Variants in DSCAM observed in about 807,000 individuals in gnomAD.
The protein encoded by DSCAM is cell adhesion molecule DSCAM.
In DSCAM, 47 loss-of-function variants were observed where a neutral mutation model predicts 217.7. The ratio of observed to expected loss-of-function variants is 0.22; its 90% CI spans 0.17 to 0.28. The LOEUF (loss-of-function observed/expected upper bound fraction) is 0.28. DSCAM is among the 10% of genes least tolerant of loss of function. The pLI is 1.00. For synonymous variants in DSCAM, 1,056 were observed against 1,015.3 expected (o/e 1.04, Z -0.76); for missense variants, 2,080 against 2,618.3 (o/e 0.79, Z 4.49).
chr21:40,276,166 AGCCACT>A lies in DSCAM; in HGVS notation c.2281_2286del (p.Ser761_Gly762del). On this transcript the variant is annotated inframe_deletion, in exon 11 of 33. Coordinates refer to ENST00000400454, the MANE Select transcript of DSCAM (RefSeq NM_001389.5). Reference sequence around the variant, plus strand: ...TCGTTGCTGACCTTGCAGAGGTAGTAGCCACTGTCTTCCTCCACGACATGCTTGATC... The same window carrying A: ...TCGTTGCTGACCTTGCAGAGGTAGTAGTCTTCCTCCACGACATGCTTGATC... The A allele has an allele frequency of 6.2e-7, 1 of 1,613,234 alleles. No individual in the cohort carries two copies. The highest frequency in any genetic ancestry group is 8.5e-7 in the Non-Finnish European group (1 of 1,179,556).
intron 3 of DSCAM, among the ~76,000 whole-genome samples, chr21:40,420,064 TA>T (rs2075408596): frequency 6.6e-6 from 1 of 152,038 alleles, no homozygotes. Flanking sequence ...ACAAAAAAAT[TA>T]GGCACAAAGC....
chr21:40,155,642 G>A (rs2090467760), intron 16 of DSCAM, among the ~76,000 whole-genome samples: 1 of 152,126 alleles, frequency 6.6e-6, no homozygotes, highest in Non-Finnish European at 1.5e-5. Flanking sequence ...GTAGTTTTGC[G>A]GGATGGGAGA....
rs1468244553 is a variant in DSCAM, at chr21:40,397,830, CACT to C, written c.509-28588_509-28586del. ...ATACTGCTACCACCCCTACTATCAT[CACT>C]ACTACCACTAATACTACCACCACCA... On this transcript the variant is annotated intron_variant, in intron 3 of 32. Transcript: ENST00000400454. 2.6e-5 allele frequency among the ~76,000 whole-genome samples: 4 copies of C among 152,048 alleles called. No homozygotes were observed. The East Asian group carries it at 7.7e-4, about 29-fold the overall frequency.
At chr21:40,485,709 CAT>C (rs1292003264) in intron 3 of DSCAM, among the ~76,000 whole-genome samples, 8 of 152,008 alleles carry the variant, frequency 5.3e-5, no homozygotes, top group African/African-American at 1.7e-4. Flanking sequence ...TACTTACATG[CAT>C]ATGTTATTTC....
chr21:40,825,468 C>A (rs899711761), intron 1 of DSCAM, among the ~76,000 whole-genome samples: 1 of 152,056 alleles, frequency 6.6e-6, no homozygotes, highest in Non-Finnish European at 1.5e-5. Flanking sequence ...CAGGCACTTA[C>A]CACCACGCCC....
chr21:40,135,516 T>C (rs1359344365), intron 18 of DSCAM, among the ~76,000 whole-genome samples: 1 of 152,192 alleles, frequency 6.6e-6, no homozygotes, highest in Non-Finnish European at 1.5e-5. Flanking sequence ...TCAGCTGCTC[T>C]CCTCAGTCGC....
chr21:40,116,090 T>C (rs2089966799), intron 20 of DSCAM, among the ~76,000 whole-genome samples: 1 of 152,014 alleles, frequency 6.6e-6, no homozygotes, highest in Non-Finnish European at 1.5e-5. Flanking sequence ...TTGTATGTGG[T>C]AGCTAAATTA....
chr21:40,155,778 ATCCACC>A (rs2090469588), intron 16 of DSCAM, among the ~76,000 whole-genome samples: 1 of 152,150 alleles, frequency 6.6e-6, no homozygotes, highest in Non-Finnish European at 1.5e-5. Flanking sequence ...GCACATCCAC[ATCCACC>A]TCTCACCCCA....
chr21:40,127,614 C>T (rs2090109059), intron 19 of DSCAM, among the ~76,000 whole-genome samples: 1 of 152,140 alleles, frequency 6.6e-6, no homozygotes, highest in African/African-American at 2.4e-5. Flanking sequence ...CTCATGTGTC[C>T]AATTGGCTGA....
intron 4 of DSCAM, among the ~76,000 whole-genome samples, chr21:40,359,942 C>A (rs2123670093): frequency 6.6e-6 from 1 of 152,186 alleles, no homozygotes; most frequent in East Asian, 1.9e-4. Flanking sequence ...TTAAAGTAAA[C>A]TACCTCTCAA....
chr21:40,620,015 A>C (rs1331572306), intron 3 of DSCAM, among the ~76,000 whole-genome samples: 4 of 110,694 alleles, frequency 3.6e-5, no homozygotes, highest in Non-Finnish European at 7.4e-5. Context: ...GAGAAAAAAG[A>C]AAAAGAAAGA....
intron 4 of DSCAM, among the ~76,000 whole-genome samples, chr21:40,357,164 G>T (rs961312345): frequency 4.6e-5 from 7 of 152,142 alleles, no homozygotes; most frequent in African/African-American, 1.7e-4. Flanking sequence ...AGATATAAAA[G>T]TTTCACAATA....
At chr21:40,255,910 A>G (rs1476104625) in intron 11 of DSCAM, among the ~76,000 whole-genome samples, 1 of 152,212 alleles carries the variant, frequency 6.6e-6, no homozygotes, top group Non-Finnish European at 1.5e-5. Context: ...CAGTAAGAGG[A>G]GCACAGTGCT....
chr21:40,728,346 T>C (rs1487654253), intron 1 of DSCAM, among the ~76,000 whole-genome samples: 1 of 152,206 alleles, frequency 6.6e-6, no homozygotes, highest in Non-Finnish European at 1.5e-5. Context: ...ACTGTTAGGC[T>C]AAATTCAATT....
At chr21:40,121,498 G>A (rs980662864) in intron 20 of DSCAM, among the ~76,000 whole-genome samples, 4 of 152,042 alleles carry the variant, frequency 2.6e-5, no homozygotes, top group South Asian at 2.1e-4. Flanking sequence ...ATGCTCTGGG[G>A]TTCTGGGACC....
At chr21:40,617,404 G>A (rs150658479) in intron 3 of DSCAM, among the ~76,000 whole-genome samples, 40 of 152,216 alleles carry the variant, frequency 2.6e-4, no homozygotes, top group Middle Eastern at 3.4e-3. Context: ...GATTACAGGC[G>A]TGAGCCACCG....
At chr21:40,508,740 T>A (rs866793294) in intron 3 of DSCAM, among the ~76,000 whole-genome samples, 1 of 7,928 alleles carries the variant, frequency 1.3e-4, no homozygotes, top group Non-Finnish European at 2.3e-4. Flanking sequence ...GGCAAATATA[T>A]ATATATATAT....
chr21:40,262,007 T>TTC (rs138264638), intron 11 of DSCAM, among the ~76,000 whole-genome samples: 2 of 151,230 alleles, frequency 1.3e-5, no homozygotes, highest in South Asian at 2.1e-4. Context: ...AACTTGAGTG[T>TTC]TCTCTCTCTC....
intron 1 of DSCAM, among the ~76,000 whole-genome samples, chr21:40,790,494 T>C (rs1309504101): frequency 6.6e-6 from 1 of 152,262 alleles, no homozygotes; most frequent in African/African-American, 2.4e-5. Context: ...ATACTAGTTC[T>C]GACAGCTCGT....
Sources: allele counts gnomAD v4.1 joint callset (sites outside exome capture counted in the v4.1 genomes callset), GRCh38; gene constraint gnomAD v4.1.1; transcripts MANE v1.5; gene names NCBI Gene and HGNC (gene_info 2026-07-23, HGNC 2026-07-21).